The following MTHFD1L variants were observed in gnomAD, a reference collection of about 807,000 sequenced individuals.
MTHFD1L encodes the protein monofunctional C1-tetrahydrofolate synthase, mitochondrial.
In MTHFD1L, 81 loss-of-function variants were observed where a neutral mutation model predicts 119.5. That is an observed-to-expected ratio of 0.68 (90% confidence interval 0.57 to 0.82). The LOEUF is 0.82. Ranked by LOEUF, MTHFD1L falls within the 40% of genes least tolerant of loss-of-function variation. The probability of loss-of-function intolerance (pLI) is 0.00; values close to 1 mark genes in which losing one functional copy is unlikely to be tolerated. For missense variants in MTHFD1L, 1,125 were observed against 1,253.4 expected (o/e 0.90, Z 1.55); for synonymous variants, 430 against 475.2 (o/e 0.90, Z 1.24).
At chr6:150,966,471 C>T (rs181914348) in intron 19 of MTHFD1L, among the ~76,000 whole-genome samples, 43 of 152,242 alleles carry the variant, frequency 2.8e-4, no homozygotes, top group Admixed American at 5.2e-4. Flanking sequence ...GGTTATAATT[C>T]GACATGAGAT....
intron 1 of MTHFD1L, among the ~76,000 whole-genome samples, chr6:150,872,826 C>CTT (rs879609305): frequency 6.4e-5 from 9 of 141,194 alleles, no homozygotes; most frequent in Non-Finnish European, 9.3e-5. Flanking sequence ...CACCCCCCAA[C>CTT]TTTTTTTTTT....
rs190784659 is a variant in MTHFD1L, at chr6:150,935,467, C to G, written c.1257-1337C>G. On this transcript the variant is annotated intron_variant, in intron 11 of 27. Coordinates refer to ENST00000367321, the MANE Select transcript of MTHFD1L (RefSeq NM_015440.5). ...CAGCTCCTTGGCATTTGTAGCCTAC[C>G]TGTGCAATCATAGGAGATGGCCTAA... 1.3e-3 allele frequency: 2,096 copies of G among 1,609,808 alleles called. 2 individuals carry two copies. The highest frequency in any genetic ancestry group is 1.9e-3 in the South Asian group (169 of 90,618).
At chr6:150,892,748 C>T (rs1783529539) in intron 7 of MTHFD1L, among the ~76,000 whole-genome samples, 1 of 152,184 alleles carries the variant, frequency 6.6e-6, no homozygotes, top group South Asian at 2.1e-4. Flanking sequence ...ACCCATATGC[C>T]TCCCTGTGTC....
At position 150,877,759 on chromosome 6, in the gene MTHFD1L, T is replaced by G. The variant is rs2073064; in HGVS notation, c.364-14T>G. 1.2e-6 allele frequency: 2 copies of G among 1,614,090 alleles called. No individual in the cohort carries two copies. The highest frequency in any genetic ancestry group is 4.5e-5 in the East Asian group (2 of 44,868). ...TCTCTTATAGTGACGAATAACCTTG[T>G]GTTCCTTTTTCAGGCTGGTCTGAAC... On this transcript the variant is annotated splice_polypyrimidine_tract_variant and intron_variant, in intron 3 of 27. Transcript: ENST00000367321.
rs1562348409 is a variant in MTHFD1L, at chr6:150,903,203, A to ATTCTTTTTTTTT, written c.781-2445_781-2444insCTTTTTTTTTTT. Among the ~76,000 whole-genome samples the ATTCTTTTTTTTT allele has an allele frequency of 5.8e-5, 5 of 85,474 alleles. 1 individual carries two copies. Among genetic ancestry groups the ATTCTTTTTTTTT allele is most frequent in the African/African-American group, 2.0e-4 (4 of 19,958 alleles). The allele number at this position is 85,474 out of a possible 152,430, so 56.1% of individuals were successfully genotyped here. ...GATTGCTGGTGATATTGGCTGCAAA[A>ATTCTTTTTTTTT]TTTTTTTTTTTTTTTTTTTTTTTTT... On this transcript the variant is annotated intron_variant, in intron 7 of 27. Coordinates refer to ENST00000367321, the MANE Select transcript of MTHFD1L (RefSeq NM_015440.5).
intron 15 of MTHFD1L, among the ~76,000 whole-genome samples, chr6:150,947,829 T>A (rs892604361): frequency 6.6e-6 from 1 of 152,124 alleles, no homozygotes; most frequent in Non-Finnish European, 1.5e-5. Flanking sequence ...GCACAAGTGG[T>A]AGTTAGCTGT....
intron 11 of MTHFD1L, among the ~76,000 whole-genome samples, chr6:150,933,104 C>T (rs373116315): frequency 1.3e-5 from 2 of 152,002 alleles, no homozygotes; most frequent in Non-Finnish European, 2.9e-5. Flanking sequence ...GTGATTTTCC[C>T]GAACTGTATT....
At chr6:150,965,227 C>A (rs1202179732) in intron 19 of MTHFD1L, among the ~76,000 whole-genome samples, 190 bp downstream of exon 19, 2 of 151,990 alleles carry the variant, frequency 1.3e-5, no homozygotes, top group African/African-American at 4.8e-5. Context: ...CTACAAGGAA[C>A]TACCTGAGAC....
Position 150,987,927 on chromosome 6 carries a change from G to T in MTHFD1L, c.2125+15869G>T, listed in dbSNP as rs539859112. Among the ~76,000 whole-genome samples the T allele has an allele frequency of 1.1e-4, 17 of 152,266 alleles. No homozygotes were observed. In the South Asian group the frequency reaches 3.3e-3, roughly 30 times the overall value. On this transcript the variant is annotated intron_variant, in intron 20 of 27. Transcript: ENST00000367321. ...AGTAATTAAATTTAAAAGGTAAAAC[G>T]TTTTGGAAGGAGTTTTGAGGTTTAG... is the stretch of plus-strand genomic sequence containing the variant.
chr6:150,885,301 A>C (rs1050809407), intron 5 of MTHFD1L, among the ~76,000 whole-genome samples: 1 of 150,502 alleles, frequency 6.6e-6, no homozygotes, highest in Admixed American at 6.7e-5. Flanking sequence ...GGTTCAAGCG[A>C]TCCTCCTGCC....
chr6:150,983,545 C>T (rs760713465), intron 20 of MTHFD1L, among the ~76,000 whole-genome samples: 3 of 152,108 alleles, frequency 2.0e-5, no homozygotes, highest in Admixed American at 2.0e-4. Context: ...GCATCCAAGG[C>T]GAGTGCAGAT....
At chr6:150,922,366 A>C (rs1434571150) in intron 10 of MTHFD1L, 64 bp downstream of exon 10, 1 of 1,319,038 alleles carries the variant, frequency 7.6e-7, no homozygotes, top group Non-Finnish European at 1.1e-6. Flanking sequence ...CTAGTTAGTC[A>C]TGGGGGAGAA....
Position 150,865,717 on chromosome 6 carries a change from C to T in MTHFD1L, c.-106C>T. On this transcript the variant is annotated 5_prime_UTR_variant, in exon 1 of 28. Coordinates refer to ENST00000367321, the MANE Select transcript of MTHFD1L (RefSeq NM_015440.5). The stretch of plus-strand genomic sequence containing the variant: ...CTGGGACGAGGAGGAAGCGCCAGGT[C>T]CTTCCCGCCGCCGCCGCCGCCGCCG... The T allele has an allele frequency of 3.2e-6, 3 of 952,142 alleles. No homozygotes were observed. The highest frequency in any genetic ancestry group is 3.9e-6 in the Non-Finnish European group (3 of 765,252). 59.0% of individuals were successfully genotyped at this position (952,142 alleles called of 1,614,324 possible).
At chr6:150,902,749 T>C (rs1785260883) in intron 7 of MTHFD1L, among the ~76,000 whole-genome samples, 1 of 152,152 alleles carries the variant, frequency 6.6e-6, no homozygotes, top group Non-Finnish European at 1.5e-5. Context: ...CCAAGATTTA[T>C]AGGTAATGAA....
At chr6:150,989,564 A>T (rs1778776720) in intron 20 of MTHFD1L, among the ~76,000 whole-genome samples, 1 of 152,258 alleles carries the variant, frequency 6.6e-6, no homozygotes, top group South Asian at 2.1e-4. Flanking sequence ...TTGCTAGTGG[A>T]TGCAATGTAA....
At chr6:151,099,773 A>G in intron 27 of MTHFD1L, 1 of 1,608,698 alleles carries the variant, frequency 6.2e-7, no homozygotes. Context: ...CACAACGTCA[A>G]GGAGCTGGAA....
At chr6:150,932,161 CAAAAAAAAAA>C (rs5880902) in intron 11 of MTHFD1L, among the ~76,000 whole-genome samples, 3 of 39,474 alleles carry the variant, frequency 7.6e-5, no homozygotes, top group Non-Finnish European at 1.3e-4. Flanking sequence ...GACTCCATCT[CAAAAAAAAAA>C]AAAAAAAAAA....
At position 150,926,149 on chromosome 6, in the gene MTHFD1L, T is replaced by C; in HGVS notation, c.1110T>C (p.Thr370=). The change falls in exon 11 of 28, where the codon ACT becomes ACC. Residue 370 remains threonine (T), a synonymous_variant. Transcript: ENST00000367321. The surrounding 1 kb of genome is among the most constrained non-coding windows in gnomAD (Gnocchi z 4.3). ...PSDIEISRGQ[T]PKAVDVLAKE... is the part of the protein sequence containing the mutation. ...ACATTGAGATTTCAAGAGGACAAAC[T>C]CCAAAAGCTGTGGATGTCCTTGCCA... is the stretch of plus-strand genomic sequence containing the variant. The C allele has an allele frequency of 1.2e-6, 2 of 1,613,970 alleles. No individual in the cohort carries two copies. Among genetic ancestry groups the C allele is most frequent in the Non-Finnish European group, 8.5e-7 (1 of 1,179,908 alleles).
chr6:151,019,549 C>T (rs1783654090), intron 24 of MTHFD1L, among the ~76,000 whole-genome samples: 1 of 152,160 alleles, frequency 6.6e-6, no homozygotes, highest in Non-Finnish European at 1.5e-5. Flanking sequence ...GGTCTAAAGT[C>T]CTCTATTGAT....
Sources: allele counts gnomAD v4.1 joint callset (sites outside exome capture counted in the v4.1 genomes callset), GRCh38; gene constraint gnomAD v4.1.1; non-coding constraint Gnocchi (gnomAD v3.1); transcripts MANE v1.5; gene names NCBI Gene and HGNC (gene_info 2026-07-23, HGNC 2026-07-21).